TMTC2: variants seen among roughly 807,000 people sequenced by gnomAD.
TMTC2 encodes transmembrane O-mannosyltransferase targeting cadherins 2.
A neutral mutation model predicts 82.4 loss-of-function variants in TMTC2; 43 were observed. The ratio of observed to expected loss-of-function variants is 0.52; its 90% CI spans 0.41 to 0.67. TMTC2 has a LOEUF of 0.67. Ranked by LOEUF, TMTC2 falls within the 30% of genes least tolerant of loss-of-function variation. TMTC2 has a pLI of 0.00. For synonymous variants in TMTC2, 408 were observed against 381.9 expected, an observed-to-expected ratio of 1.07 and a Z score of -0.80; for missense variants, 919 against 1,012.4, an observed-to-expected ratio of 0.91 and a Z score of 1.25.
chr12:83,034,383 T>G (rs140957800), intron 9 of TMTC2, among the ~76,000 whole-genome samples: 223 of 151,862 alleles, frequency 1.5e-3, no homozygotes, highest in African/African-American at 5.2e-3. Flanking sequence ...AAACCTAATG[T>G]GACTGGATCC....
At chr12:82,937,773 TATATATATATATATATATATATACAC>T (rs1876444700) in intron 4 of TMTC2, among the ~76,000 whole-genome samples, 1 of 24,584 alleles carries the variant, frequency 4.1e-5, no homozygotes, top group African/African-American at 1.2e-4. Context: ...TATATATATA[TATATATATATATATATATATATACAC>T]ACATATATAT....
At chr12:82,953,586 C>T (rs1310647981) in intron 4 of TMTC2, among the ~76,000 whole-genome samples, 1 of 152,088 alleles carries the variant, frequency 6.6e-6, no homozygotes, top group Non-Finnish European at 1.5e-5. Flanking sequence ...ATAAATGTTG[C>T]TTAAAACTAA....
intron 9 of TMTC2, among the ~76,000 whole-genome samples, chr12:83,049,274 T>C (rs1170668526): frequency 6.6e-6 from 1 of 152,148 alleles, no homozygotes; most frequent in Non-Finnish European, 1.5e-5. Context: ...TAGTAATAAG[T>C]ATAGTACCCA....
chr12:83,068,736 G>A (rs1883007626), intron 11 of TMTC2, among the ~76,000 whole-genome samples: 2 of 151,874 alleles, frequency 1.3e-5, no homozygotes, highest in South Asian at 4.1e-4. Context: ...TTTTCCATAA[G>A]TTGGGGTACA....
chr12:83,132,524 G>A lies in TMTC2; in HGVS notation c.*135G>A, dbSNP rs181206731. The A allele has an allele frequency of 2.2e-3, 2,166 of 969,326 alleles. 7 individuals are homozygous for A. The highest frequency in any genetic ancestry group is 2.5e-3 in the Non-Finnish European group (1,674 of 672,152). 60.0% of individuals were successfully genotyped at this position (969,326 alleles called of 1,614,324 possible). Reference sequence around the variant, plus strand: ...GGCAGAGGTCATTGAGGTCACTACCGCTTCTGGAAGAATCCACTTTGCTGT... The same window carrying A: ...GGCAGAGGTCATTGAGGTCACTACCACTTCTGGAAGAATCCACTTTGCTGT... On this transcript the variant is annotated 3_prime_UTR_variant, in exon 12 of 12. Coordinates refer to ENST00000321196, the MANE Select transcript of TMTC2 (RefSeq NM_152588.3).
intron 11 of TMTC2, among the ~76,000 whole-genome samples, chr12:83,128,208 T>G (rs967426217): frequency 6.6e-6 from 1 of 152,098 alleles, no homozygotes; most frequent in African/African-American, 2.4e-5. Context: ...CCCCAGCCCA[T>G]GAGCTACAGC....
At position 83,030,779 on chromosome 12, in the gene TMTC2, A is replaced by G. The variant is rs892751815; in HGVS notation, c.2071-19A>G. 3 of 1,598,642 alleles carry G rather than the reference A, an allele frequency of 1.9e-6. No homozygotes were observed. The highest frequency in any genetic ancestry group is 2.6e-6 in the Non-Finnish European group (3 of 1,166,340). On this transcript the variant is annotated intron_variant, in intron 8 of 11. Transcript: ENST00000321196. ...CTCATGATCTGTTCCTGAATCATCC[A>G]TTTTCTCTGTTTTTCAAGGGTCGTA...
chr12:83,030,613 C>T (rs532953489), intron 8 of TMTC2, among the ~76,000 whole-genome samples, 185 bp from the exon 9 acceptor site: 1 of 152,150 alleles, frequency 6.6e-6, no homozygotes, highest in South Asian at 2.1e-4. Flanking sequence ...TTCCAGGGTT[C>T]AGACCTCAGT....
chr12:83,030,748 G>T lies in TMTC2; in HGVS notation c.2071-50G>T, dbSNP rs745588681. Reference sequence around the variant, plus strand: ...ACTTCAGTTAGGCCCAGGCAGTGAAGAATCCCTCATGATCTGTTCCTGAAT... The same window carrying T: ...ACTTCAGTTAGGCCCAGGCAGTGAATAATCCCTCATGATCTGTTCCTGAAT... On this transcript the variant is annotated intron_variant, in intron 8 of 11. Transcript: ENST00000321196. The T allele has an allele frequency of 3.6e-6, 5 of 1,408,168 alleles. No individual in the cohort carries two copies. In the South Asian group the frequency reaches 4.7e-5, roughly 13 times the overall value. The allele number at this position is 1,408,168 out of a possible 1,614,324, so 87.2% of individuals were successfully genotyped here.
Position 83,132,335 on chromosome 12 carries a change from C to T in TMTC2, c.2457C>T (p.Leu819=). 2 of 1,614,058 alleles carry T rather than the reference C, an allele frequency of 1.2e-6. No individual in the cohort carries two copies. Among genetic ancestry groups the T allele is most frequent in the Non-Finnish European group, 1.7e-6 (2 of 1,179,992 alleles). ...ACGATGTCATCACACAGTCCAATCT[C>T]CGCAAACTGTGGAACATCATGGAAA... ...KPDDVITQSN[L]RKLWNIMEKQ... is the part of the protein sequence containing the mutation. The change falls in exon 12 of 12, where the codon CTC becomes CTT. Residue 819 remains leucine, a synonymous_variant. Coordinates refer to ENST00000321196, the MANE Select transcript of TMTC2 (RefSeq NM_152588.3).
intron 8 of TMTC2, among the ~76,000 whole-genome samples, chr12:83,008,285 A>G (rs1880296118): frequency 6.6e-6 from 1 of 151,894 alleles, no homozygotes; most frequent in Non-Finnish European, 1.5e-5. Context: ...CATTAGCTCT[A>G]TTTTTCTTCT....
intron 11 of TMTC2, among the ~76,000 whole-genome samples, chr12:83,130,763 A>G (rs979644847): frequency 2.0e-5 from 3 of 152,212 alleles, no homozygotes; most frequent in Non-Finnish European, 4.4e-5. Flanking sequence ...GCATTCTGCT[A>G]TGTATATTTG....
At chr12:82,752,619 A>G (rs1876078015) in intron 1 of TMTC2, among the ~76,000 whole-genome samples, 1 of 152,070 alleles carries the variant, frequency 6.6e-6, no homozygotes, top group Non-Finnish European at 1.5e-5. Context: ...TAGAGACTTC[A>G]TAAAGACCAA....
chr12:82,903,699 C>A lies in TMTC2; in HGVS notation c.1483+7053C>A, dbSNP rs370585701. Among the ~76,000 whole-genome samples, 18 of 152,302 alleles carry A rather than the reference C, an allele frequency of 1.2e-4. No individual in the cohort carries two copies. In the East Asian group the frequency reaches 3.1e-3, roughly 26 times the overall value. ...AAGTGCCGGGATTACAGGCGTGAGC[C>A]ACCGCGCCCCGCCGATATTTTTACA... is the stretch of plus-strand genomic sequence containing the variant. On this transcript the variant is annotated intron_variant, in intron 3 of 11. Coordinates refer to ENST00000321196, the MANE Select transcript of TMTC2 (RefSeq NM_152588.3).
intron 1 of TMTC2, among the ~76,000 whole-genome samples, chr12:82,801,610 G>C (rs150784551): frequency 6.6e-6 from 1 of 152,138 alleles, no homozygotes; most frequent in Non-Finnish European, 1.5e-5. Context: ...TAGACATAAA[G>C]GTTCTCCAAG....
chr12:82,907,394 T>C (rs184312975), intron 3 of TMTC2, among the ~76,000 whole-genome samples: 470 of 151,308 alleles, frequency 3.1e-3, no homozygotes, highest in Non-Finnish European at 5.5e-3. Flanking sequence ...GCCGGGCAGG[T>C]GGAGGTTGCA....
chr12:82,918,411 T>A (rs1319339262), intron 3 of TMTC2, among the ~76,000 whole-genome samples: 2 of 152,190 alleles, frequency 1.3e-5, no homozygotes, highest in Non-Finnish European at 2.9e-5. Flanking sequence ...TTAGGATTTA[T>A]CCCCTTTTTA....
chr12:83,066,908 A>T (rs1299789165), intron 11 of TMTC2, among the ~76,000 whole-genome samples: 1 of 151,922 alleles, frequency 6.6e-6, no homozygotes, highest in Non-Finnish European at 1.5e-5. Context: ...TAATATTCTC[A>T]TGGGGCATTC....
chr12:82,898,058 T>TGGG, intron 3 of TMTC2, among the ~76,000 whole-genome samples: 1 of 152,210 alleles, frequency 6.6e-6, no homozygotes, highest in Non-Finnish European at 1.5e-5. Context: ...AGTGAGCAAC[T>TGGG]ACACATTTCT....
Sources: allele counts gnomAD v4.1 joint callset (sites outside exome capture counted in the v4.1 genomes callset), GRCh38; gene constraint gnomAD v4.1.1; transcripts MANE v1.5; gene names NCBI Gene and HGNC (gene_info 2026-07-23, HGNC 2026-07-21).